The following CADM1 variants were observed in gnomAD, a reference collection of about 807,000 sequenced individuals.
CADM1 encodes TSLC-1.
In CADM1, 15 loss-of-function variants were observed where a neutral mutation model predicts 53.1. That is an observed-to-expected ratio of 0.28 (90% confidence interval 0.19 to 0.44). The LOEUF is 0.44. Ranked by LOEUF, CADM1 falls within the 20% of genes least tolerant of loss-of-function variation. The pLI, the probability that CADM1 is intolerant of heterozygous loss-of-function variation, is 1.00. For missense variants in CADM1, 434 were observed against 611.3 expected (o/e 0.71, Z 3.06); for synonymous variants, 281 against 243.0 (o/e 1.16, Z -1.45).
At chr11:115,494,134 TGA>T (rs576229222) in intron 1 of CADM1, among the ~76,000 whole-genome samples, 5 of 151,944 alleles carry the variant, frequency 3.3e-5, no homozygotes, top group African/African-American at 9.6e-5. Context: ...TATACATTAT[TGA>T]GAGAGAGAGA....
intron 1 of CADM1, among the ~76,000 whole-genome samples, chr11:115,262,260 T>C (rs1218688427): frequency 6.6e-6 from 1 of 152,116 alleles, no homozygotes; most frequent in Non-Finnish European, 1.5e-5. Context: ...ATTTTATGGA[T>C]ACATATAAAC....
At position 115,190,881 on chromosome 11, in the gene CADM1, C is replaced by T; in HGVS notation, c.1165+7G>A. ...CTGCAGTGCCTTACCTAATGACTAG[C>T]CCTTACCTGAGAGGTCCTCACTGTC... On this transcript the variant is annotated splice_region_variant and intron_variant, in intron 10 of 11. Coordinates refer to ENST00000331581, the MANE Select transcript of CADM1 (RefSeq NM_001301043.2). 1 of 1,593,480 alleles carries T rather than the reference C, an allele frequency of 6.3e-7. No homozygotes were observed. The highest frequency in any genetic ancestry group is 8.5e-7 in the Non-Finnish European group (1 of 1,177,494).
intron 1 of CADM1, among the ~76,000 whole-genome samples, chr11:115,427,856 A>C (rs1169209625): frequency 6.6e-6 from 1 of 151,718 alleles, no homozygotes; most frequent in Non-Finnish European, 1.5e-5. Flanking sequence ...AAATACAAAA[A>C]CTTAGCCAGG....
At chr11:115,304,211 A>T (rs1591689630) in intron 1 of CADM1, among the ~76,000 whole-genome samples, 1 of 152,180 alleles carries the variant, frequency 6.6e-6, no homozygotes, top group East Asian at 1.9e-4. Flanking sequence ...AACTTAAGTA[A>T]ATAATGTTTG....
intron 1 of CADM1, among the ~76,000 whole-genome samples, chr11:115,243,111 C>T (rs1942297755): frequency 6.6e-6 from 1 of 152,168 alleles, no homozygotes; most frequent in South Asian, 2.1e-4. Context: ...TAATTGAGTA[C>T]TATAAGGCCA....
At chr11:115,361,275 C>CAG (rs1946022869) in intron 1 of CADM1, among the ~76,000 whole-genome samples, 1 of 152,142 alleles carries the variant, frequency 6.6e-6, no homozygotes, top group South Asian at 2.1e-4. Context: ...TCAGGACATT[C>CAG]AGAGCTGGGT....
intron 10 of CADM1, among the ~76,000 whole-genome samples, chr11:115,187,930 T>G (rs1032881535): frequency 9.9e-5 from 15 of 152,212 alleles, no homozygotes; most frequent in Admixed American, 3.9e-4. Flanking sequence ...ATCACTTTCT[T>G]GTCTGTAGGA....
intron 1 of CADM1, among the ~76,000 whole-genome samples, chr11:115,261,164 A>G (rs1186491413): frequency 4.6e-5 from 7 of 152,202 alleles, no homozygotes; most frequent in Admixed American, 3.3e-4. Context: ...GTTTCTTCCT[A>G]TATAAAACCA....
At chr11:115,478,738 T>C (rs1326881826) in intron 1 of CADM1, among the ~76,000 whole-genome samples, 1 of 152,170 alleles carries the variant, frequency 6.6e-6, no homozygotes, top group African/African-American at 2.4e-5. Context: ...GCCAATTAGA[T>C]AGTATGCATT....
At chr11:115,233,827 C>A (rs1187714516) in intron 3 of CADM1, among the ~76,000 whole-genome samples, 2 of 152,074 alleles carry the variant, frequency 1.3e-5, no homozygotes, top group Non-Finnish European at 2.9e-5. Context: ...AGCAATGTAA[C>A]TGATGGGATA....
At chr11:115,224,693 T>A (rs1209443995) in intron 5 of CADM1, among the ~76,000 whole-genome samples, 1 of 152,178 alleles carries the variant, frequency 6.6e-6, no homozygotes, top group Admixed American at 6.6e-5. Context: ...AATTCCATAC[T>A]GAGGGTCACA....
chr11:115,439,533 C>T (rs1021867305), intron 1 of CADM1, among the ~76,000 whole-genome samples: 14 of 152,176 alleles, frequency 9.2e-5, no homozygotes, highest in African/African-American at 2.7e-4. Context: ...CCTCAAAGGA[C>T]GTGTGCTGTT....
At chr11:115,482,627 G>T (rs1015481637) in intron 1 of CADM1, among the ~76,000 whole-genome samples, 2 of 152,112 alleles carry the variant, frequency 1.3e-5, no homozygotes, top group South Asian at 4.1e-4. Context: ...ATTTATAAAC[G>T]TGTTTCTCTT....
intron 1 of CADM1, among the ~76,000 whole-genome samples, chr11:115,316,350 T>C (rs1408251361): frequency 2.0e-5 from 3 of 152,134 alleles, no homozygotes; most frequent in African/African-American, 7.2e-5. Context: ...AAAGGAGGCA[T>C]TTAAACATCT....
chr11:115,342,219 A>G (rs1591727042), intron 1 of CADM1, among the ~76,000 whole-genome samples: 1 of 152,210 alleles, frequency 6.6e-6, no homozygotes, highest in East Asian at 1.9e-4. Context: ...AGATCATACC[A>G]ACAGATTAAC....
chr11:115,235,500 T>C (rs1248270513), intron 3 of CADM1, among the ~76,000 whole-genome samples: 1 of 152,174 alleles, frequency 6.6e-6, no homozygotes, highest in Non-Finnish European at 1.5e-5. Context: ...TGCATATAGA[T>C]GAAAACCTGA....
At chr11:115,269,260 A>AACTCTCTAAAT (rs1943231194) in intron 1 of CADM1, among the ~76,000 whole-genome samples, 1 of 152,108 alleles carries the variant, frequency 6.6e-6, no homozygotes, top group Admixed American at 6.5e-5. Context: ...AGAGTTCCCC[A>AACTCTCTAAAT]ACTCTCTAAA....
Position 115,171,496 on chromosome 11 carries a change from A to T in CADM1, c.*4978T>A, listed in dbSNP as rs1274448761. 1 of 152,172 alleles carries T rather than the reference A, an allele frequency of 6.6e-6. No homozygotes were observed. The highest frequency in any genetic ancestry group is 1.5e-5 in the Non-Finnish European group (1 of 68,008). The allele number at this position is 152,172 out of a possible 1,614,324, so 9.4% of individuals were successfully genotyped here. The stretch of plus-strand genomic sequence containing the variant: ...ATGTATTTGGAGAATGCCAGGCCAA[A>T]ACATTTGTGAAAACTCTCTGGGGGA... On this transcript the variant is annotated 3_prime_UTR_variant, in exon 12 of 12. Coordinates refer to ENST00000331581, the MANE Select transcript of CADM1 (RefSeq NM_001301043.2).
At chr11:115,470,128 CA>C (rs1948982037) in intron 1 of CADM1, among the ~76,000 whole-genome samples, 1 of 152,222 alleles carries the variant, frequency 6.6e-6, no homozygotes, top group African/African-American at 2.4e-5. Context: ...AGATATGATA[CA>C]ATGCATGTTA....
Sources: gnomAD v4.1 joint callset for allele counts (sites outside exome capture counted in the v4.1 genomes callset) on GRCh38, gnomAD v4.1.1 for gene constraint, MANE v1.5 for transcripts, NCBI Gene and HGNC (gene_info 2026-07-23, HGNC 2026-07-21) for gene names.